GRIN2B: variants seen among roughly 807,000 people sequenced by gnomAD.
GRIN2B encodes glutamate receptor ionotropic, NMDA 2B.
GRIN2B carries 5 observed loss-of-function variants against 114.5 expected under a neutral mutation model. The ratio of observed to expected loss-of-function variants is 0.04; its 90% CI spans 0.02 to 0.09. The LOEUF (loss-of-function observed/expected upper bound fraction) is 0.09, where lower values mean the gene tolerates loss of function less well. GRIN2B is among the 10% of genes least tolerant of loss of function. The pLI is 1.00. For missense variants in GRIN2B, 1,108 were observed against 1,943.5 expected (o/e 0.57, Z 8.08); for synonymous variants, 787 against 745.1 (o/e 1.06, Z -0.92).
At chr12:13,773,839 T>G (rs1161231305) in intron 3 of GRIN2B, among the ~76,000 whole-genome samples, 1 of 152,168 alleles carries the variant, frequency 6.6e-6, no homozygotes, top group African/African-American at 2.4e-5. Flanking sequence ...AGAGGGGAAC[T>G]AGTTTCACAC....
At chr12:13,583,039 C>T (rs907781345) in intron 10 of GRIN2B, among the ~76,000 whole-genome samples, 1 of 152,112 alleles carries the variant, frequency 6.6e-6, no homozygotes, top group African/African-American at 2.4e-5. Context: ...TGGGTTTATT[C>T]CTATATTAAC....
At position 13,980,192 on chromosome 12, in the gene GRIN2B, T is replaced by C. The variant is rs1863106490; in HGVS notation, c.-283A>G. ...CACAATGCAGAATCCAGAGTAATTATTCCGTGTGCATGTGAGGTTAGTGGC... is the reference window on the plus strand; with the variant it reads ...CACAATGCAGAATCCAGAGTAATTACTCCGTGTGCATGTGAGGTTAGTGGC... On this transcript the variant is annotated 5_prime_UTR_variant, in exon 2 of 14. Coordinates refer to ENST00000609686, the MANE Select transcript of GRIN2B (RefSeq NM_000834.5). 6.6e-6 allele frequency: 1 copy of C among 152,232 alleles called. No individual in the cohort carries two copies. The allele number at this position is 152,232 out of a possible 1,614,324, so 9.4% of individuals were successfully genotyped here.
intron 11 of GRIN2B, among the ~76,000 whole-genome samples, chr12:13,571,007 ATCT>A (rs1477683624): frequency 2.0e-5 from 3 of 152,216 alleles, no homozygotes; most frequent in Non-Finnish European, 2.9e-5. Flanking sequence ...ATCTTCTGAA[ATCT>A]TCTGTGACTG....
At chr12:13,733,438 T>C (rs1394217285) in intron 4 of GRIN2B, among the ~76,000 whole-genome samples, 2 of 152,068 alleles carry the variant, frequency 1.3e-5, no homozygotes, top group Non-Finnish European at 2.9e-5. Flanking sequence ...GTAATTAAAC[T>C]AACTGGGTAG....
chr12:13,628,482 G>A (rs886916561), intron 5 of GRIN2B, among the ~76,000 whole-genome samples: 11 of 152,148 alleles, frequency 7.2e-5, no homozygotes, highest in Non-Finnish European at 1.5e-4. Context: ...AAAATATGCA[G>A]GAATCTACTG....
At chr12:13,894,387 G>A (rs1866319215) in intron 2 of GRIN2B, among the ~76,000 whole-genome samples, 1 of 152,114 alleles carries the variant, frequency 6.6e-6, no homozygotes, top group African/African-American at 2.4e-5. Flanking sequence ...ATGACAGAAT[G>A]CTAAGTAGCC....
intron 4 of GRIN2B, among the ~76,000 whole-genome samples, chr12:13,716,969 A>G (rs74838046): frequency 0.064 from 9,799 of 151,996 alleles, 384 homozygotes; most frequent in African/African-American, 0.087. Flanking sequence ...AAACCCAGAA[A>G]ATAAGAACGG....
chr12:13,838,605 C>T (rs774526384), intron 3 of GRIN2B, among the ~76,000 whole-genome samples: 1 of 152,160 alleles, frequency 6.6e-6, no homozygotes, highest in Non-Finnish European at 1.5e-5. Flanking sequence ...CACCACCCCC[C>T]CATCTTATCT....
chr12:13,883,177 T>C (rs994950673), intron 2 of GRIN2B, among the ~76,000 whole-genome samples: 1 of 152,244 alleles, frequency 6.6e-6, no homozygotes, highest in African/African-American at 2.4e-5. Flanking sequence ...TTAAGGGGTG[T>C]TACCACTTTT....
chr12:13,859,913 C>T (rs1865726519), intron 3 of GRIN2B, among the ~76,000 whole-genome samples: 3 of 152,174 alleles, frequency 2.0e-5, no homozygotes, highest in Admixed American at 6.5e-5. Context: ...AATGCCATAA[C>T]ATTACAGTTT....
chr12:13,850,459 G>C (rs183514571), intron 3 of GRIN2B, among the ~76,000 whole-genome samples: 12 of 152,248 alleles, frequency 7.9e-5, no homozygotes, highest in Admixed American at 2.6e-4. Context: ...CTAGAGTTTG[G>C]AGAGAATTGG....
At position 13,855,373 on chromosome 12, in the gene GRIN2B, A is replaced by C. The variant is rs369656878; in HGVS notation, c.411+10425T>G. On this transcript the variant is annotated intron_variant, in intron 3 of 13. Coordinates refer to ENST00000609686, the MANE Select transcript of GRIN2B (RefSeq NM_000834.5). ...CAGTAAGTGGTGATAGAACCAGGAA[A>C]CAGCAAGGCAGTGAGATTCCAGAAC... Among the ~76,000 whole-genome samples the C allele has an allele frequency of 1.1e-3, 160 of 152,316 alleles. 4 individuals are homozygous for C. The South Asian group carries it at 0.027, about 26-fold the overall frequency.
intron 3 of GRIN2B, among the ~76,000 whole-genome samples, chr12:13,800,869 G>C (rs997399948): frequency 6.6e-6 from 1 of 152,090 alleles, no homozygotes; most frequent in Non-Finnish European, 1.5e-5. Flanking sequence ...GCTATATTCT[G>C]ATGTAAATAC....
chr12:13,839,529 G>A (rs893145340), intron 3 of GRIN2B, among the ~76,000 whole-genome samples: 24 of 152,152 alleles, frequency 1.6e-4, no homozygotes, highest in Non-Finnish European at 3.1e-4. Flanking sequence ...ATAGCTCAAC[G>A]AAGCACTCTC....
At chr12:13,832,020 C>T (rs544913674) in intron 3 of GRIN2B, among the ~76,000 whole-genome samples, 17 of 152,210 alleles carry the variant, frequency 1.1e-4, no homozygotes, top group African/African-American at 4.1e-4. Context: ...CAGTGGGGGG[C>T]AGGGTAGCAT....
rs191524400 is a variant in GRIN2B, at chr12:13,953,913, T to G, written c.-19+26015A>C. Among the ~76,000 whole-genome samples the G allele has an allele frequency of 5.3e-5, 8 of 152,326 alleles. No homozygotes were observed. The East Asian group carries it at 1.3e-3, about 26-fold the overall frequency. ...AATTACCTAGTATGGGCTGTTTTCT[T>G]CACTGAATAATAATATACACAGACT... is the stretch of plus-strand genomic sequence containing the variant. On this transcript the variant is annotated intron_variant, in intron 2 of 13. Transcript: ENST00000609686.
rs1948548894 is a variant in GRIN2B at position 13,561,805 on chromosome 12, A to T, written c.*978T>A. 1 of 152,600 alleles carries T rather than the reference A, an allele frequency of 6.6e-6. No individual in the cohort carries two copies. Among genetic ancestry groups the T allele is most frequent in the Admixed American group, 6.6e-5 (1 of 15,266 alleles). The allele number at this position is 152,600 out of a possible 1,614,324, so 9.5% of individuals were successfully genotyped here. Reference sequence around the variant, plus strand: ...TGTTTATGTACCTTGTTCTTGCAGGATTGCTCACCGCCTTTTTTTGTTTAG... The same window carrying T: ...TGTTTATGTACCTTGTTCTTGCAGGTTTGCTCACCGCCTTTTTTTGTTTAG... On this transcript the variant is annotated 3_prime_UTR_variant, in exon 14 of 14. Transcript: ENST00000609686.
rs554443017 is a variant in GRIN2B at position 13,744,874 on chromosome 12, C to T, written c.1010+8443G>A. 6.6e-5 allele frequency among the ~76,000 whole-genome samples: 10 copies of T among 152,286 alleles called. No individual in the cohort carries two copies. The South Asian group carries it at 2.1e-3, about 32-fold the overall frequency. ...TGAAAGCCGAGGGAAGGTTCTCTTGCTAGCTCCTGCCACATATCTTCCTTG... is the reference window on the plus strand; with the variant it reads ...TGAAAGCCGAGGGAAGGTTCTCTTGTTAGCTCCTGCCACATATCTTCCTTG... On this transcript the variant is annotated intron_variant, in intron 4 of 13. Coordinates refer to ENST00000609686, the MANE Select transcript of GRIN2B (RefSeq NM_000834.5).
At chr12:13,664,948 C>T (rs1425255615) in intron 5 of GRIN2B, among the ~76,000 whole-genome samples, 1 of 152,174 alleles carries the variant, frequency 6.6e-6, no homozygotes, top group African/African-American at 2.4e-5. Flanking sequence ...GGTGCCACTG[C>T]CATGATGGTT....
Sources: gnomAD v4.1 joint callset for allele counts (sites outside exome capture counted in the v4.1 genomes callset) on GRCh38, gnomAD v4.1.1 for gene constraint, MANE v1.5 for transcripts, NCBI Gene and HGNC (gene_info 2026-07-23, HGNC 2026-07-21) for gene names.